Variants in PLEKHG1 observed in about 807,000 individuals in gnomAD.
PLEKHG1 encodes the protein pleckstrin homology and RhoGEF domain containing G1, also known as pleckstrin homology domain-containing family G member 1.
Under a neutral mutation model 100.8 loss-of-function variants are expected in PLEKHG1, and 44 were observed. The ratio of observed to expected loss-of-function variants is 0.44; its 90% CI spans 0.34 to 0.56. The LOEUF is 0.56. Ranked by LOEUF, PLEKHG1 falls within the 20% of genes least tolerant of loss-of-function variation. The probability of loss-of-function intolerance (pLI) is 0.01; values close to 1 mark genes in which losing one functional copy is unlikely to be tolerated. For synonymous variants in PLEKHG1, 640 were observed against 662.5 expected, an observed-to-expected ratio of 0.97 and a Z score of 0.52; for missense variants, 1,545 against 1,720.9, an observed-to-expected ratio of 0.90 and a Z score of 1.81.
chr6:150,612,350 A>G (rs1204307725), intron 1 of PLEKHG1, among the ~76,000 whole-genome samples: 1 of 150,544 alleles, frequency 6.6e-6, no homozygotes, highest in Non-Finnish European at 1.5e-5. Flanking sequence ...TTTGTTTTTG[A>G]GACAGAGTCT....
chr6:150,797,153 G>A (rs909639863), intron 5 of PLEKHG1, among the ~76,000 whole-genome samples: 1 of 151,894 alleles, frequency 6.6e-6, no homozygotes, highest in Admixed American at 6.6e-5. Flanking sequence ...CAGACTTTGA[G>A]TTATCTTAAG....
intron 3 of PLEKHG1, among the ~76,000 whole-genome samples, chr6:150,709,367 A>ACAAAAAC (rs1781159721): frequency 1.3e-5 from 2 of 152,210 alleles, no homozygotes; most frequent in Non-Finnish European, 2.9e-5. Context: ...GGGAATAAAA[A>ACAAAAAC]GCATTTTCCT....
At chr6:150,626,464 G>A (rs973855816) in intron 1 of PLEKHG1, among the ~76,000 whole-genome samples, 6 of 152,148 alleles carry the variant, frequency 3.9e-5, no homozygotes, top group Admixed American at 3.3e-4. Context: ...CCTGCGAAGG[G>A]GCGTTGGGGA....
intron 3 of PLEKHG1, among the ~76,000 whole-genome samples, chr6:150,689,855 C>G (rs80096824): frequency 3.5e-5 from 3 of 84,704 alleles, no homozygotes; most frequent in Non-Finnish European, 7.6e-5. Flanking sequence ...AACTCTGTCT[C>G]AAAAAAAAAA....
At chr6:150,797,834 CAAAAAAAAAAAAAAAAAA>C (rs58218481) in intron 5 of PLEKHG1, among the ~76,000 whole-genome samples, 14 of 23,910 alleles carry the variant, frequency 5.9e-4, no homozygotes, top group African/African-American at 7.3e-4. Flanking sequence ...GACTCTGTCT[CAAAAAAAAAAAAAAAAAA>C]AAAAAAAAAA....
intron 2 of PLEKHG1, among the ~76,000 whole-genome samples, chr6:150,649,434 A>G (rs1042782142): frequency 2.6e-5 from 4 of 152,168 alleles, no homozygotes; most frequent in Non-Finnish European, 5.9e-5. Context: ...TTCACTCTGA[A>G]GTTTTTCTTT....
chr6:150,687,883 C>A (rs1780196905), intron 3 of PLEKHG1, among the ~76,000 whole-genome samples: 1 of 152,310 alleles, frequency 6.6e-6, no homozygotes, highest in Non-Finnish European at 1.5e-5. Context: ...TATAGCTAAT[C>A]TACTTTTAAG....
At chr6:150,785,919 A>G (rs1785595898) in intron 3 of PLEKHG1, among the ~76,000 whole-genome samples, 1 of 152,012 alleles carries the variant, frequency 6.6e-6, no homozygotes, top group Non-Finnish European at 1.5e-5. Flanking sequence ...CACTTGAGTC[A>G]TCCCAAAACC....
At chr6:150,705,289 C>T (rs1373051342) in intron 3 of PLEKHG1, among the ~76,000 whole-genome samples, 1 of 152,240 alleles carries the variant, frequency 6.6e-6, no homozygotes, top group African/African-American at 2.4e-5. Context: ...CATCGGAACA[C>T]TCATTTTTAT....
intron 4 of PLEKHG1, 67 bp downstream of exon 5, chr6:150,786,526 G>A (rs1785631688): frequency 1.9e-6 from 2 of 1,031,230 alleles, no homozygotes; most frequent in South Asian, 2.8e-5. Context: ...TCATTTTAAA[G>A]TTAAAATGAC....
intron 3 of PLEKHG1, among the ~76,000 whole-genome samples, chr6:150,783,169 T>TAAAA (rs71014520): frequency 6.3e-5 from 5 of 79,460 alleles, no homozygotes; most frequent in African/African-American, 1.6e-4. Flanking sequence ...GAAAAAAAAC[T>TAAAA]AAAAAAAAAA....
chr6:150,698,499 T>TATAC (rs66635945), intron 3 of PLEKHG1, among the ~76,000 whole-genome samples: 34 of 151,788 alleles, frequency 2.2e-4, no homozygotes, highest in African/African-American at 7.0e-4. Context: ...ATACTATATA[T>TATAC]ACACACACAC....
chr6:150,747,002 T>A (rs13216213), intron 2 of PLEKHG1, among the ~76,000 whole-genome samples: 7 of 152,252 alleles, frequency 4.6e-5, no homozygotes, highest in Non-Finnish European at 1.0e-4. Context: ...ACAGGCATTT[T>A]AAAAACTTCA....
At chr6:150,835,888 C>A (rs781154990) in intron 15 of PLEKHG1, among the ~76,000 whole-genome samples, 3 of 152,170 alleles carry the variant, frequency 2.0e-5, no homozygotes, top group Admixed American at 1.3e-4. Flanking sequence ...TAGTGAGATA[C>A]CTTTTATTCA....
intron 2 of PLEKHG1, among the ~76,000 whole-genome samples, chr6:150,644,254 G>A (rs1262216086): frequency 6.6e-6 from 1 of 151,512 alleles, no homozygotes; most frequent in African/African-American, 2.4e-5. Context: ...CCAGAATTTG[G>A]CCCTATTAAA....
intron 1 of PLEKHG1, among the ~76,000 whole-genome samples, chr6:150,626,518 G>A (rs1001075137): frequency 1.3e-5 from 2 of 152,138 alleles, no homozygotes; most frequent in Admixed American, 6.5e-5. Flanking sequence ...CGGGCTCTCC[G>A]GAGTGAAGGG....
At chr6:150,708,643 A>T (rs541314725) in intron 3 of PLEKHG1, among the ~76,000 whole-genome samples, 4 of 152,210 alleles carry the variant, frequency 2.6e-5, no homozygotes, top group Admixed American at 2.0e-4. Context: ...TCATAATTGT[A>T]TATAAACTTA....
intron 2 of PLEKHG1, among the ~76,000 whole-genome samples, chr6:150,645,531 A>G (rs1402515897): frequency 6.6e-6 from 1 of 152,236 alleles, no homozygotes; most frequent in East Asian, 1.9e-4. Context: ...ATATTGAAGA[A>G]TATATGAAGA....
intron 4 of PLEKHG1, among the ~76,000 whole-genome samples, chr6:150,787,030 C>CA (rs555809522): frequency 0.068 from 3,890 of 56,792 alleles, 151 homozygotes; most frequent in African/African-American, 0.1. Context: ...GACTCTGTCT[C>CA]AAAAAAAAAA....
Sources: gnomAD v4.1 joint callset for allele counts (sites outside exome capture counted in the v4.1 genomes callset) on GRCh38, gnomAD v4.1.1 for gene constraint, MANE v1.5 for transcripts, NCBI Gene and HGNC (gene_info 2026-07-23, HGNC 2026-07-21) for gene names.